The following TCF7L1 variants were observed in gnomAD, a reference collection of about 807,000 sequenced individuals.
TCF7L1 encodes transcription factor 7 like 1.
A neutral mutation model predicts 63.7 loss-of-function variants in TCF7L1; 18 were observed. The observed-to-expected ratio is 0.28, with a 90% confidence interval of 0.20 to 0.42. The LOEUF is 0.42. Among genes scored for constraint, TCF7L1 ranks in the 10% least tolerant of loss-of-function variants. The probability of loss-of-function intolerance (pLI) is 1.00; values close to 1 mark genes in which losing one functional copy is unlikely to be tolerated. For synonymous variants in TCF7L1, 355 were observed against 340.9 expected (o/e 1.04, Z -0.46); for missense variants, 654 against 779.3 (o/e 0.84, Z 1.91).
At chr2:85,208,811 G>A (rs1331222133) in intron 3 of TCF7L1, among the ~76,000 whole-genome samples, 1 of 152,192 alleles carries the variant, frequency 6.6e-6, no homozygotes, top group Non-Finnish European at 1.5e-5. Flanking sequence ...TCTTGAGGAA[G>A]TAATAGATCA....
At chr2:85,136,012 T>C (rs1169336131) in intron 3 of TCF7L1, among the ~76,000 whole-genome samples, 1 of 152,186 alleles carries the variant, frequency 6.6e-6, no homozygotes, top group Non-Finnish European at 1.5e-5. Flanking sequence ...TGTAGCTTAG[T>C]TCTGCAAGTT....
chr2:85,168,224 A>ACACACACACACACAC (rs1558622099), intron 3 of TCF7L1, among the ~76,000 whole-genome samples: 13 of 96,400 alleles, frequency 1.3e-4, no homozygotes, highest in African/African-American at 4.5e-4. Flanking sequence ...CACACACACA[A>ACACACACACACACAC]AGGGACACAA....
At chr2:85,137,383 G>A (rs1677619036) in intron 3 of TCF7L1, among the ~76,000 whole-genome samples, 1 of 152,192 alleles carries the variant, frequency 6.6e-6, no homozygotes, top group Non-Finnish European at 1.5e-5. Flanking sequence ...TTTTCCTGAG[G>A]CTCTTTAGAG....
chr2:85,304,082 G>T, intron 6 of TCF7L1, 85 bp downstream of exon 6: 2 of 1,253,808 alleles, frequency 1.6e-6, no homozygotes, highest in South Asian at 2.7e-5. Context: ...GCACAGTGGA[G>T]CCCCCTCAGA....
intron 3 of TCF7L1, among the ~76,000 whole-genome samples, chr2:85,243,137 A>G (rs1680376883): frequency 6.6e-6 from 1 of 152,160 alleles, no homozygotes; most frequent in Admixed American, 6.5e-5. Context: ...GTTTATTAAT[A>G]ATCAGTTGGC....
At chr2:85,181,495 G>T (rs1222575352) in intron 3 of TCF7L1, among the ~76,000 whole-genome samples, 3 of 152,198 alleles carry the variant, frequency 2.0e-5, no homozygotes, top group Non-Finnish European at 4.4e-5. Flanking sequence ...AGAACTATGT[G>T]TGTGACTGTG....
At chr2:85,219,913 G>A (rs1679806392) in intron 3 of TCF7L1, among the ~76,000 whole-genome samples, 1 of 152,190 alleles carries the variant, frequency 6.6e-6, no homozygotes, top group Non-Finnish European at 1.5e-5. Flanking sequence ...AAATGGTTCT[G>A]CAAAATTAAA....
intron 3 of TCF7L1, among the ~76,000 whole-genome samples, chr2:85,278,154 AG>A (rs2104363127): frequency 6.6e-6 from 1 of 152,338 alleles, no homozygotes; most frequent in East Asian, 1.9e-4. Context: ...CCTGCAGGAA[AG>A]GGGGCTCTAG....
rs563343207 is a variant in TCF7L1, at chr2:85,160,726, G to A, written c.441+26276G>A. On this transcript the variant is annotated intron_variant, in intron 3 of 11. Coordinates refer to ENST00000282111, the MANE Select transcript of TCF7L1 (RefSeq NM_031283.3). ...AAAAATTAGCCAGGTGTGGTAGCAA[G>A]CCCCTGTCCCAACTACTCAGGAGGC... 3.3e-5 allele frequency among the ~76,000 whole-genome samples: 5 copies of A among 151,770 alleles called. No homozygotes were observed. The South Asian group carries it at 1.0e-3, about 32-fold the overall frequency.
intron 3 of TCF7L1, among the ~76,000 whole-genome samples, chr2:85,188,700 A>C (rs1169389595): frequency 6.6e-6 from 1 of 152,214 alleles, no homozygotes. Context: ...TGTTTGAATC[A>C]TTCCATTATT....
chr2:85,208,209 TA>T (rs1679459957), intron 3 of TCF7L1, among the ~76,000 whole-genome samples: 2 of 152,280 alleles, frequency 1.3e-5, no homozygotes, highest in African/African-American at 4.8e-5. Flanking sequence ...CCTGGCCTAT[TA>T]AATGCATTTT....
In TCF7L1 at chr2:85,133,647, G is replaced by T. The variant is rs1677509411; in HGVS notation, c.-38G>T. On this transcript the variant is annotated 5_prime_UTR_variant, in exon 1 of 12. Coordinates refer to ENST00000282111, the MANE Select transcript of TCF7L1 (RefSeq NM_031283.3). The surrounding 1 kb of genome is among the most constrained non-coding windows in gnomAD (Gnocchi z 4.4). ...GGCCGGGCAGGGCGCGGGCGGCTAG[G>T]GGCTCCGAGAGCGGCGGCCCCGGCC... is the stretch of plus-strand genomic sequence containing the variant. 4 of 856,050 alleles carry T rather than the reference G, an allele frequency of 4.7e-6. No homozygotes were observed. The highest frequency in any genetic ancestry group is 5.6e-6 in the Non-Finnish European group (4 of 714,008). The allele number at this position is 856,050 out of a possible 1,614,324, so 53.0% of individuals were successfully genotyped here. A position where few individuals can be genotyped will look rare whatever the true frequency, so the allele number is the denominator to read the frequency against.
chr2:85,254,710 C>T (rs1272083266), intron 3 of TCF7L1, among the ~76,000 whole-genome samples: 1 of 152,188 alleles, frequency 6.6e-6, no homozygotes, highest in Non-Finnish European at 1.5e-5. Flanking sequence ...TCACTCCTAC[C>T]CAAATAGCCT....
rs575037069 is a variant in TCF7L1 at position 85,233,472 on chromosome 2, C to T, written c.442-50023C>T. On this transcript the variant is annotated intron_variant, in intron 3 of 11. Transcript: ENST00000282111. ...CTGGGATTACAGGCACACACCACCA[C>T]GCCTGGCTAATTTTTGTATTTTTAG... is the stretch of plus-strand genomic sequence containing the variant. Among the ~76,000 whole-genome samples the T allele has an allele frequency of 6.6e-5, 10 of 151,842 alleles. No homozygotes were observed. The East Asian group carries it at 1.4e-3, about 21-fold the overall frequency.
chr2:85,173,315 G>A (rs1678597577), intron 3 of TCF7L1, among the ~76,000 whole-genome samples: 1 of 151,962 alleles, frequency 6.6e-6, no homozygotes, highest in Non-Finnish European at 1.5e-5. Context: ...GAGCAGGGGA[G>A]TGGGTACGGA....
chr2:85,209,838 T>A (rs1307265042), intron 3 of TCF7L1, among the ~76,000 whole-genome samples: 27 of 152,276 alleles, frequency 1.8e-4, no homozygotes, highest in African/African-American at 6.5e-4. Flanking sequence ...AAATGTATCC[T>A]ATAGCCCTTT....
intron 3 of TCF7L1, among the ~76,000 whole-genome samples, chr2:85,274,547 G>C (rs1320362100): frequency 1.3e-5 from 2 of 152,102 alleles, no homozygotes; most frequent in Non-Finnish European, 2.9e-5. Flanking sequence ...GGACACATCT[G>C]AGACCACCCC....
At chr2:85,195,495 G>A (rs769224828) in intron 3 of TCF7L1, among the ~76,000 whole-genome samples, 17 of 152,108 alleles carry the variant, frequency 1.1e-4, no homozygotes, top group Non-Finnish European at 2.1e-4. Context: ...TATGAAGACC[G>A]ATTTTCTTGC....
At chr2:85,272,828 C>A (rs1401192566) in intron 3 of TCF7L1, among the ~76,000 whole-genome samples, 4 of 152,136 alleles carry the variant, frequency 2.6e-5, no homozygotes, top group Non-Finnish European at 5.9e-5. Flanking sequence ...ATCAATCAAT[C>A]AATAAAAAAA....
Sources: allele counts gnomAD v4.1 joint callset (sites outside exome capture counted in the v4.1 genomes callset), GRCh38; gene constraint gnomAD v4.1.1; non-coding constraint Gnocchi (gnomAD v3.1); transcripts MANE v1.5; gene names NCBI Gene and HGNC (gene_info 2026-07-23, HGNC 2026-07-21).